The following TET1 variants were observed in gnomAD, a reference collection of about 807,000 sequenced individuals.
The protein encoded by TET1 is tet methylcytosine dioxygenase 1.
In TET1, 13 loss-of-function variants were observed where a neutral mutation model predicts 148.7. The ratio of observed to expected loss-of-function variants is 0.09; its 90% CI spans 0.06 to 0.14. TET1 has a LOEUF of 0.14. Among genes scored for constraint, TET1 ranks in the 10% least tolerant of loss-of-function variants. TET1 has a pLI of 1.00. For synonymous variants in TET1, 907 were observed against 937.2 expected (o/e 0.97, Z 0.59); for missense variants, 2,182 against 2,553.8 (o/e 0.85, Z 3.14).
At chr10:68,593,433 A>T (rs1019468794) in intron 2 of TET1, among the ~76,000 whole-genome samples, 33 of 78,936 alleles carry the variant, frequency 4.2e-4, no homozygotes, top group East Asian at 3.5e-3. Context: ...AAGTTTTTTT[A>T]AAAAAATTTT....
chr10:68,683,929 G>A (rs1048687455), intron 10 of TET1, among the ~76,000 whole-genome samples: 3 of 152,130 alleles, frequency 2.0e-5, no homozygotes, highest in African/African-American at 7.2e-5. Flanking sequence ...ACGTAAATTA[G>A]GCAGAAGACC....
intron 6 of TET1, among the ~76,000 whole-genome samples, chr10:68,657,495 C>G (rs898008022): frequency 6.6e-6 from 1 of 152,102 alleles, no homozygotes; most frequent in African/African-American, 2.4e-5. Context: ...TTAAATTAGC[C>G]AACTGTGGTG....
Position 68,686,652 on chromosome 10 carries a change from G to A in TET1, c.5349G>A (p.Arg1783=), listed in dbSNP as rs2133235576. The A allele has an allele frequency of 6.2e-7, 1 of 1,614,164 alleles. No homozygotes were observed. The highest frequency in any genetic ancestry group is 8.5e-7 in the Non-Finnish European group (1 of 1,180,032). Residue 1783 remains arginine (R), a synonymous_variant, in exon 11 of 12, where the codon CGG becomes CGA. Coordinates refer to ENST00000373644, the MANE Select transcript of TET1 (RefSeq NM_030625.3). ...VEKKPIPRIK[R]KNNSTTTNNS... ...AGAAACCTATTCCCCGAATCAAGCG[G>A]AAGAATAACTCAACAACAACAAACA...
intron 2 of TET1, among the ~76,000 whole-genome samples, chr10:68,581,272 G>T (rs887797215): frequency 3.9e-5 from 6 of 152,104 alleles, no homozygotes; most frequent in African/African-American, 7.2e-5. Flanking sequence ...TTGATGTTCA[G>T]AATTACAGAT....
chr10:68,618,798 A>C (rs925429189), intron 3 of TET1, among the ~76,000 whole-genome samples: 7 of 152,186 alleles, frequency 4.6e-5, no homozygotes, highest in African/African-American at 1.4e-4. Flanking sequence ...CAGATTAATC[A>C]GTATGATTTA....
chr10:68,636,494 G>T (rs2054651916), intron 3 of TET1, among the ~76,000 whole-genome samples: 1 of 152,092 alleles, frequency 6.6e-6, no homozygotes, highest in South Asian at 2.1e-4. Context: ...AAGGCAGGAG[G>T]ATATCTTTAG....
At chr10:68,616,803 G>A (rs1448134286) in intron 3 of TET1, among the ~76,000 whole-genome samples, 4 of 149,658 alleles carry the variant, frequency 2.7e-5, no homozygotes, top group African/African-American at 9.8e-5. Context: ...TGCCTCCCGG[G>A]TTCATGCCAT....
chr10:68,566,180 A>C (rs1469796035), intron 1 of TET1, among the ~76,000 whole-genome samples: 1 of 152,206 alleles, frequency 6.6e-6, no homozygotes, highest in African/African-American at 2.4e-5. Context: ...ACTTGCCTAC[A>C]TATATGAATT....
intron 7 of TET1, among the ~76,000 whole-genome samples, chr10:68,669,016 T>C (rs2055232186): frequency 6.6e-6 from 1 of 151,692 alleles, no homozygotes; most frequent in Non-Finnish European, 1.5e-5. Flanking sequence ...ATGGGCCTGA[T>C]GTACTGGCTC....
chr10:68,660,495 C>G (rs955832812), intron 6 of TET1, among the ~76,000 whole-genome samples: 3 of 151,686 alleles, frequency 2.0e-5, no homozygotes, highest in African/African-American at 7.3e-5. Flanking sequence ...GTCCCCCAGC[C>G]AAGCCCAGCT....
At chr10:68,680,680 C>G (rs1276589558) in intron 8 of TET1, among the ~76,000 whole-genome samples, 1 of 152,208 alleles carries the variant, frequency 6.6e-6, no homozygotes, top group Non-Finnish European at 1.5e-5. Flanking sequence ...TTGAAAAAAT[C>G]TGATGTCTCT....
Position 68,572,328 on chromosome 10 carries a change from A to C in TET1, c.-11A>C. The C allele has an allele frequency of 1.9e-6, 3 of 1,579,338 alleles. No individual in the cohort carries two copies. Among genetic ancestry groups the C allele is most frequent in the Non-Finnish European group, 2.6e-6 (3 of 1,168,942 alleles). On this transcript the variant is annotated 5_prime_UTR_variant, in exon 2 of 12. Coordinates refer to ENST00000373644, the MANE Select transcript of TET1 (RefSeq NM_030625.3). Reference sequence around the variant, plus strand: ...TTCCTGCGCCCTTTCATTTTTTCCTACTCTGTAGCTATGTCTCGATCCCGC... The same window carrying C: ...TTCCTGCGCCCTTTCATTTTTTCCTCCTCTGTAGCTATGTCTCGATCCCGC...
At chr10:68,654,515 G>A (rs527601659) in intron 6 of TET1, among the ~76,000 whole-genome samples, 2 of 152,166 alleles carry the variant, frequency 1.3e-5, no homozygotes, top group Admixed American at 6.5e-5. Flanking sequence ...TACTCGGGAG[G>A]CTGAGGCAGG....
intron 3 of TET1, among the ~76,000 whole-genome samples, chr10:68,611,158 G>A (rs1224093663): frequency 6.6e-6 from 1 of 152,022 alleles, no homozygotes; most frequent in Non-Finnish European, 1.5e-5. Context: ...AGACATGGTG[G>A]CGGGCACCTG....
rs1053421804 is a variant in TET1, at chr10:68,693,247, T to C, written c.*1433T>C. 8.6e-6 allele frequency: 2 copies of C among 232,676 alleles called. No homozygotes were observed. Among genetic ancestry groups the C allele is most frequent in the Non-Finnish European group, 1.7e-5 (2 of 117,680 alleles). 14.4% of individuals were successfully genotyped at this position (232,676 alleles called of 1,614,324 possible). A position where few individuals can be genotyped will look rare whatever the true frequency, so the allele number is the denominator to read the frequency against. Reference sequence around the variant, plus strand: ...AACAAAAAGGATTACCCAAACAACATGTTTCGAACAAGGAGAATTTTCAAT... The same window carrying C: ...AACAAAAAGGATTACCCAAACAACACGTTTCGAACAAGGAGAATTTTCAAT... On this transcript the variant is annotated 3_prime_UTR_variant, in exon 12 of 12. Coordinates refer to ENST00000373644, the MANE Select transcript of TET1 (RefSeq NM_030625.3).
At chr10:68,652,255 G>T (rs1275889149) in intron 5 of TET1, among the ~76,000 whole-genome samples, 2 of 152,176 alleles carry the variant, frequency 1.3e-5, no homozygotes, top group African/African-American at 4.8e-5. Flanking sequence ...CATTCCCATT[G>T]CTTGTCTGGC....
At chr10:68,673,835 T>A (rs1350562586) in intron 8 of TET1, among the ~76,000 whole-genome samples, 1 of 151,866 alleles carries the variant, frequency 6.6e-6, no homozygotes, top group Non-Finnish European at 1.5e-5. Context: ...CTTTCTTACA[T>A]GTAACAGCAG....
At chr10:68,643,543 G>C (rs1022188329) in intron 3 of TET1, among the ~76,000 whole-genome samples, 1 of 152,124 alleles carries the variant, frequency 6.6e-6, no homozygotes, top group Non-Finnish European at 1.5e-5. Context: ...AGGTATGGCT[G>C]TGCACGGTGG....
chr10:68,619,880 T>C (rs558172580), intron 3 of TET1, among the ~76,000 whole-genome samples: 1 of 152,288 alleles, frequency 6.6e-6, no homozygotes, highest in East Asian at 1.9e-4. Flanking sequence ...TTGTATACCA[T>C]ACAGTTCACT....
Sources: gnomAD v4.1 joint callset for allele counts (sites outside exome capture counted in the v4.1 genomes callset) on GRCh38, gnomAD v4.1.1 for gene constraint, MANE v1.5 for transcripts, NCBI Gene and HGNC (gene_info 2026-07-23, HGNC 2026-07-21) for gene names.